Variants in ST7 observed in about 807,000 individuals in gnomAD.
ST7 encodes the protein suppression of tumorigenicity 7.
In ST7, 28 loss-of-function variants were observed where a neutral mutation model predicts 78.7. The observed-to-expected ratio is 0.36, with a 90% CI of 0.26 to 0.49. ST7 has a LOEUF of 0.49. ST7 is among the 20% of genes least tolerant of loss of function. ST7 has a pLI of 0.99. For missense variants in ST7, 418 were observed against 696.0 expected (o/e 0.60, Z 4.49); for synonymous variants, 247 against 249.6 (o/e 0.99, Z 0.10).
intron 1 of ST7, among the ~76,000 whole-genome samples, chr7:117,006,223 A>C: frequency 6.6e-6 from 1 of 152,240 alleles, no homozygotes; most frequent in Non-Finnish European, 1.5e-5. Context: ...CTTTCAAAAG[A>C]GAGCAGTTGT....
intron 9 of ST7, 89 bp from the exon 10 acceptor site, chr7:117,170,773 A>G: frequency 2.2e-6 from 1 of 463,568 alleles, no homozygotes; most frequent in Non-Finnish European, 3.4e-6. Context: ...ACCGTGATAT[A>G]TACAATAAAT....
At chr7:117,051,058 A>T (rs1341524500) in intron 1 of ST7, among the ~76,000 whole-genome samples, 1 of 152,208 alleles carries the variant, frequency 6.6e-6, no homozygotes, top group African/African-American at 2.4e-5. Context: ...ACAGACCTAC[A>T]CAGTTCAAAT....
At chr7:117,126,690 A>G (rs188612728) in intron 3 of ST7, among the ~76,000 whole-genome samples, 4 of 151,930 alleles carry the variant, frequency 2.6e-5, no homozygotes, top group Admixed American at 2.0e-4. Context: ...AATAAGTATG[A>G]TTGTGATGGA....
intron 1 of ST7, among the ~76,000 whole-genome samples, chr7:117,020,819 G>T (rs1029134474): frequency 2.0e-5 from 3 of 152,310 alleles, no homozygotes; most frequent in African/African-American, 7.2e-5. Flanking sequence ...GGCCAGGGAT[G>T]TCAATGTGTC....
chr7:116,975,496 C>T (rs979858397), intron 1 of ST7, among the ~76,000 whole-genome samples: 7 of 152,110 alleles, frequency 4.6e-5, no homozygotes, highest in African/African-American at 1.7e-4. Context: ...CAGCCTCCAC[C>T]TCCCGGGTTC....
intron 1 of ST7, among the ~76,000 whole-genome samples, chr7:117,016,668 G>A (rs1795631302): frequency 6.6e-6 from 1 of 152,112 alleles, no homozygotes; most frequent in South Asian, 2.1e-4. Context: ...TGTGTGTGCT[G>A]TAGAGAAAAA....
At chr7:117,097,908 A>ATATATATATATATATATATATTTTTT in intron 1 of ST7, among the ~76,000 whole-genome samples, 2 of 30,020 alleles carry the variant, frequency 6.7e-5, no homozygotes, top group African/African-American at 1.6e-4. Flanking sequence ...ATATATATAT[A>ATATATATATATATATATATATTTTTT]TTTTTTTTTT....
At chr7:117,221,139 G>A (rs1471683658) in intron 14 of ST7, among the ~76,000 whole-genome samples, 3 of 152,208 alleles carry the variant, frequency 2.0e-5, no homozygotes, top group African/African-American at 4.8e-5. Flanking sequence ...CAGAGAAGGA[G>A]GCGATTCTCT....
At chr7:117,025,600 CATTAG>C (rs1035184810) in intron 1 of ST7, among the ~76,000 whole-genome samples, 15 of 152,208 alleles carry the variant, frequency 9.9e-5, no homozygotes, top group African/African-American at 3.6e-4. Context: ...TATTGCATGA[CATTAG>C]ATAAGTAGAA....
chr7:117,206,843 A>G (rs1238619424), intron 12 of ST7, among the ~76,000 whole-genome samples: 1 of 152,178 alleles, frequency 6.6e-6, no homozygotes. Context: ...ACCATTGTCC[A>G]CAACAGTCAA....
chr7:116,990,071 G>A (rs1585101071), intron 1 of ST7, among the ~76,000 whole-genome samples: 2 of 152,098 alleles, frequency 1.3e-5, no homozygotes, highest in South Asian at 4.1e-4. Flanking sequence ...CTCCTGAGTA[G>A]CTGGGACTAC....
At chr7:117,203,196 A>G (rs1485466748) in intron 12 of ST7, among the ~76,000 whole-genome samples, 1 of 152,242 alleles carries the variant, frequency 6.6e-6, no homozygotes, top group African/African-American at 2.4e-5. Flanking sequence ...AAGGCCTTTT[A>G]CAGCCTACTT....
intron 1 of ST7, among the ~76,000 whole-genome samples, chr7:116,970,354 C>A (rs1793354343): frequency 6.6e-6 from 1 of 152,142 alleles, no homozygotes; most frequent in African/African-American, 2.4e-5. Context: ...TCAGTTTAGG[C>A]TACTCTAACA....
chr7:117,141,324 G>T (rs1805277690), intron 9 of ST7, among the ~76,000 whole-genome samples: 1 of 152,128 alleles, frequency 6.6e-6, no homozygotes, highest in Non-Finnish European at 1.5e-5. Context: ...ACACCTTAAG[G>T]AAGGGGAAAC....
chr7:117,210,759 A>G (rs1792220527), intron 13 of ST7, among the ~76,000 whole-genome samples: 1 of 152,180 alleles, frequency 6.6e-6, no homozygotes, highest in Non-Finnish European at 1.5e-5. Context: ...GGGCTGTTTG[A>G]GAGGATGTAA....
chr7:117,138,116 C>T (rs1396862783), intron 8 of ST7, among the ~76,000 whole-genome samples: 1 of 152,074 alleles, frequency 6.6e-6, no homozygotes, highest in Non-Finnish European at 1.5e-5. Context: ...GCATCTTTAC[C>T]AAAAGAATGC....
intron 1 of ST7, among the ~76,000 whole-genome samples, chr7:117,084,444 G>A (rs1346262487): frequency 6.6e-6 from 1 of 152,124 alleles, no homozygotes; most frequent in Non-Finnish European, 1.5e-5. Context: ...GTGAACCCAG[G>A]GTGAGTAATG....
At chr7:116,965,403 T>TTTCC (rs1283440983) in intron 1 of ST7, among the ~76,000 whole-genome samples, 2 of 145,658 alleles carry the variant, frequency 1.4e-5, no homozygotes, top group Non-Finnish European at 3.0e-5. Flanking sequence ...TCGGAGCCTG[T>TTTCC]GGAAGGGTGG....
At chr7:116,988,570 C>T (rs1397910572) in intron 1 of ST7, among the ~76,000 whole-genome samples, 1 of 152,020 alleles carries the variant, frequency 6.6e-6, no homozygotes, top group East Asian at 1.9e-4. Flanking sequence ...ATTATGATCA[C>T]TAGAGGGCAC....
Sources: gnomAD v4.1 joint callset for allele counts (sites outside exome capture counted in the v4.1 genomes callset) on GRCh38, gnomAD v4.1.1 for gene constraint, MANE v1.5 for transcripts, NCBI Gene and HGNC (gene_info 2026-07-23, HGNC 2026-07-21) for gene names.